The following FAM151A variants were observed in gnomAD, a reference collection of about 807,000 sequenced individuals.
FAM151A encodes family with sequence similarity 151 member A.
A neutral mutation model predicts 40.4 loss-of-function variants in FAM151A; 41 were observed. The observed-to-expected ratio is 1.01, with a 90% CI of 0.79 to 1.32. FAM151A has a LOEUF of 1.32. FAM151A is among the 40% of genes most tolerant of loss of function. The pLI is 0.00. For missense variants in FAM151A, 740 were observed against 740.4 expected (o/e 1.00, Z 0.01); for synonymous variants, 337 against 312.5 (o/e 1.08, Z -0.83).
chr1:54,613,658 AG>A (rs1157488913), intron 4 of FAM151A, among the ~76,000 whole-genome samples: 1 of 152,202 alleles, frequency 6.6e-6, no homozygotes, highest in Non-Finnish European at 1.5e-5. Context: ...CTTCTTCAAA[AG>A]ATGCAAACTT....
At position 54,609,925 on chromosome 1, in the gene FAM151A, G is replaced by T. The variant is rs770712371; in HGVS notation, c.1101C>A (p.Ile367=). The change falls in exon 8 of 8, where the codon ATC becomes ATA. Residue 367 remains isoleucine, a synonymous_variant. Transcript: ENST00000302250. The stretch of plus-strand genomic sequence containing the variant: ...TTCCCTCGAGGCCAGTGTTCAGCAG[G>T]ATCATGCCTTCTGTGTCTGGAAGAG... The part of the protein sequence containing the change: ...TMTLPDTEGM[I]LLNTGLEGTV... 6 of 1,605,974 alleles carry T rather than the reference G, an allele frequency of 3.7e-6. No individual in the cohort carries two copies. Among genetic ancestry groups the T allele is most frequent in the Non-Finnish European group, 5.1e-6 (6 of 1,178,858 alleles).
intron 6 of FAM151A, among the ~76,000 whole-genome samples, chr1:54,611,322 C>A (rs1055193857): frequency 6.6e-6 from 1 of 152,130 alleles, no homozygotes. Flanking sequence ...ATCGCTTGAA[C>A]CCAGGAGGCG....
intron 5 of FAM151A, 68 bp downstream of exon 5, chr1:54,612,418 A>T (rs2101015822): frequency 1.7e-6 from 2 of 1,156,756 alleles, no homozygotes; most frequent in Admixed American, 1.9e-5. Flanking sequence ...TCCAGCCATG[A>T]GCTTCTGGGA....
Position 54,612,686 on chromosome 1 carries a change from C to T in FAM151A, c.600G>A (p.Lys200=). The T allele has an allele frequency of 6.2e-7, 1 of 1,613,892 alleles. No individual in the cohort carries two copies. Among genetic ancestry groups the T allele is most frequent in the African/African-American group, 1.3e-5 (1 of 75,016 alleles). ...ATQFLALVQE[K]YPKATLSPGW... ...CTGGAGATAGGGTAGCCTTGGGATA[C>T]TTCTCCTGGACCAGGGCCAGGAACC... The change falls in exon 5 of 8, where the codon AAG becomes AAA. Residue 200 remains lysine, a synonymous_variant. Transcript: ENST00000302250.
Position 54,609,334 on chromosome 1 carries a change from G to A in FAM151A, c.1692C>T (p.Thr564=). ...ALLAARAVDR[T]RVYYRLPQGY... ...CCTGGGGTAGCCTGTAGTAGACTCGGGTCCTGTCCACAGCCCTAGCTGCCA... is the reference window on the plus strand; with the variant it reads ...CCTGGGGTAGCCTGTAGTAGACTCGAGTCCTGTCCACAGCCCTAGCTGCCA... Residue 564 remains threonine, a synonymous_variant, in exon 8 of 8, where the codon ACC becomes ACT. Coordinates refer to ENST00000302250, the MANE Select transcript of FAM151A (RefSeq NM_176782.3). 1.9e-6 allele frequency: 3 copies of A among 1,614,072 alleles called. No homozygotes were observed. In the African/African-American group the frequency reaches 4.0e-5, roughly 22 times the overall value.
intron 4 of FAM151A, among the ~76,000 whole-genome samples, chr1:54,613,664 A>G (rs1341564053): frequency 6.6e-6 from 1 of 152,194 alleles, no homozygotes; most frequent in African/African-American, 2.4e-5. Context: ...CAAAAGATGC[A>G]AACTTTAATA....
In FAM151A at chr1:54,612,689, CT is replaced by C. The variant is rs1644132147; in HGVS notation, c.596del (p.Glu199GlyfsTer64). The C allele has an allele frequency of 6.2e-7, 1 of 1,613,736 alleles. No individual in the cohort carries two copies. Among genetic ancestry groups the C allele is most frequent in the South Asian group, 1.1e-5 (1 of 91,074 alleles). On this transcript the variant is annotated frameshift_variant, in exon 5 of 8. Coordinates refer to ENST00000302250, the MANE Select transcript of FAM151A (RefSeq NM_176782.3). LOFTEE classifies it high-confidence loss of function. ...NATQFLALVQ[E>X]KYPKATLSPG... ...GAGATAGGGTAGCCTTGGGATACTT[CT>C]CCTGGACCAGGGCCAGGAACCTGCA...
At chr1:54,617,709 A>ATTTGTTTT (rs1644187580) in intron 2 of FAM151A, among the ~76,000 whole-genome samples, 1 of 55,740 alleles carries the variant, frequency 1.8e-5, no homozygotes, top group Non-Finnish European at 3.0e-5. Context: ...AGGGCCTGAG[A>ATTTGTTTT]TTTTTTTTTT....
chr1:54,609,930 T>C lies in FAM151A; in HGVS notation c.1096A>G (p.Met366Val), dbSNP rs1557668574. ...ATMTLPDTEG[M>V]ILLNTGLEGT... ...TCGAGGCCAGTGTTCAGCAGGATCATGCCTTCTGTGTCTGGAAGAGGCGGC... is the reference window on the plus strand; with the variant it reads ...TCGAGGCCAGTGTTCAGCAGGATCACGCCTTCTGTGTCTGGAAGAGGCGGC... The change falls in exon 8 of 8, where the codon ATG becomes GTG. Residue 366 changes from methionine to valine, a missense_variant. Met to Val is a conservative substitution (Grantham distance 21). Transcript: ENST00000302250. 6.2e-7 allele frequency: 1 copy of C among 1,604,752 alleles called. No individual in the cohort carries two copies. The highest frequency in any genetic ancestry group is 1.7e-5 in the Admixed American group (1 of 59,998).
At chr1:54,613,837 T>A (rs942275394) in intron 4 of FAM151A, among the ~76,000 whole-genome samples, 5 of 152,128 alleles carry the variant, frequency 3.3e-5, no homozygotes, top group Non-Finnish European at 7.3e-5. Context: ...ATAAATTGGA[T>A]GGATGGAGGA....
At chr1:54,622,190 TGCTTGAGCCCAGGGGGTGGAG>T (rs1241441518) in intron 1 of FAM151A, among the ~76,000 whole-genome samples, 1 of 148,150 alleles carries the variant, frequency 6.7e-6, no homozygotes, top group Non-Finnish European at 1.5e-5. Flanking sequence ...GTGGAAGAAT[TGCTTGAGCCCAGGGGGTGGAG>T]GTTGCAGTGA....
chr1:54,621,119 C>T (rs1298626524), intron 1 of FAM151A, among the ~76,000 whole-genome samples: 1 of 151,386 alleles, frequency 6.6e-6, no homozygotes, highest in African/African-American at 2.4e-5. Flanking sequence ...GGAGATCATG[C>T]CACTGCACTC....
Position 54,611,610 on chromosome 1 carries a change from C to T in FAM151A, c.936G>A (p.Leu312=). 6.2e-7 allele frequency: 1 copy of T among 1,613,942 alleles called. No individual in the cohort carries two copies. Among genetic ancestry groups the T allele is most frequent in the Non-Finnish European group, 8.5e-7 (1 of 1,179,938 alleles). Residue 312 remains leucine, a synonymous_variant, in exon 6 of 8, where the codon CTG becomes CTA. Coordinates refer to ENST00000302250, the MANE Select transcript of FAM151A (RefSeq NM_176782.3). Reference sequence around the variant, plus strand: ...CTTCCCAATTCCTCTCCTTACAGGCCAGCTGCTTGAACTGTGACAGGAGAG... The same window carrying T: ...CTTCCCAATTCCTCTCCTTACAGGCTAGCTGCTTGAACTGTGACAGGAGAG... The part of the protein sequence containing the change: ...FEPLLSQFKQ[L]ALNATRKPMY...
In FAM151A at chr1:54,609,709, C is replaced by A. The variant is rs1184091304; in HGVS notation, c.1317G>T (p.Trp439Cys). Reference sequence around the variant, plus strand: ...AGATTTTGGCCCCAACCCACACAGGCCAATGCAAGAGGCCAAGGCTGGAGA... The same window carrying A: ...AGATTTTGGCCCCAACCCACACAGGACAATGCAAGAGGCCAAGGCTGGAGA... ...ARLSSLGLLH[W>C]PVWVGAKISH... Residue 439 changes from tryptophan (W) to cysteine (C), a missense_variant, in exon 8 of 8, where the codon TGG becomes TGT. By Grantham distance (215) the Trp-to-Cys change is radical (BLOSUM62 -2). Coordinates refer to ENST00000302250, the MANE Select transcript of FAM151A (RefSeq NM_176782.3). 5 of 1,613,968 alleles carry A rather than the reference C, an allele frequency of 3.1e-6. No individual in the cohort carries two copies. Among genetic ancestry groups the A allele is most frequent in the Non-Finnish European group, 4.2e-6 (5 of 1,180,012 alleles).
At position 54,617,709 on chromosome 1, in the gene FAM151A, ATTTTTTTTTTTTTTT is replaced by A. The variant is rs56229276; in HGVS notation, c.263-1552_263-1538del. 2.5e-3 allele frequency among the ~76,000 whole-genome samples: 141 copies of A among 55,780 alleles called. 3 individuals are homozygous for A. In the Middle Eastern group the frequency reaches 0.052, roughly 20 times the overall value. 36.6% of individuals were successfully genotyped at this position (55,780 alleles called of 152,430 possible). On this transcript the variant is annotated intron_variant, in intron 2 of 7. Coordinates refer to ENST00000302250, the MANE Select transcript of FAM151A (RefSeq NM_176782.3). The stretch of plus-strand genomic sequence containing the variant: ...CACTAGGTCTGCAGCAGGGCCTGAG[ATTTTTTTTTTTTTTT>A]TTTTTTTTTTTTTTTTTTTTATGAA...
intron 2 of FAM151A, 120 bp downstream of exon 2, chr1:54,619,743 CT>C: frequency 9.6e-7 from 1 of 1,038,820 alleles, no homozygotes; most frequent in Non-Finnish European, 1.4e-6. Flanking sequence ...TTTCCTCATG[CT>C]GAAAGACATG....
intron 4 of FAM151A, among the ~76,000 whole-genome samples, chr1:54,613,640 G>A (rs1387073268): frequency 6.6e-6 from 1 of 151,818 alleles, no homozygotes; most frequent in African/African-American, 2.4e-5. Flanking sequence ...TTTTTTCTTT[G>A]TACTTTTCTT....
At position 54,609,203 on chromosome 1, in the gene FAM151A, T is replaced by A; in HGVS notation, c.*65A>T. ...GCCTGGAGAAAGCCAAAGACCTTTA[T>A]TTCTTCCTGCCTCCCCGTGGGAAGC... On this transcript the variant is annotated 3_prime_UTR_variant, in exon 8 of 8. Transcript: ENST00000302250. The A allele has an allele frequency of 6.3e-7, 1 of 1,593,672 alleles. No individual in the cohort carries two copies. The highest frequency in any genetic ancestry group is 8.6e-7 in the Non-Finnish European group (1 of 1,168,582).
chr1:54,612,074 G>A (rs1474464630), intron 5 of FAM151A, among the ~76,000 whole-genome samples: 2 of 150,480 alleles, frequency 1.3e-5, no homozygotes, highest in East Asian at 4.0e-4. Flanking sequence ...TCAAGAGGGG[G>A]AGGGGGCAGC....
Sources: gnomAD v4.1 joint callset for allele counts (sites outside exome capture counted in the v4.1 genomes callset) on GRCh38, gnomAD v4.1.1 for gene constraint, MANE v1.5 for transcripts, NCBI Gene and HGNC (gene_info 2026-07-23, HGNC 2026-07-21) for gene names.